The following MAF variants were observed in gnomAD, a reference collection of about 807,000 sequenced individuals.
MAF encodes the protein MAF bZIP transcription factor.
In MAF, 10 loss-of-function variants were observed where a neutral mutation model predicts 22.0. The ratio of observed to expected loss-of-function variants is 0.45; its 90% CI spans 0.28 to 0.77. MAF has a LOEUF of 0.77. Ranked by LOEUF, MAF falls within the 30% of genes least tolerant of loss-of-function variation. MAF has a pLI of 0.12. For synonymous variants in MAF, 337 were observed against 255.8 expected, an observed-to-expected ratio of 1.32 and a Z score of -3.03; for missense variants, 544 against 548.4, an observed-to-expected ratio of 0.99 and a Z score of 0.08.
At chr16:79,212,482 G>C in the MAF span, 3 of 220,206 alleles carry the variant, frequency 1.4e-5, no homozygotes, top group East Asian at 9.7e-5. Flanking sequence ...TAGATACCTT[G>C]AAAGGCAGGA....
At chr16:79,245,159 G>A in the MAF span, among the ~76,000 whole-genome samples, 13 of 151,818 alleles carry the variant, frequency 8.6e-5, no homozygotes, top group Admixed American at 3.9e-4. Context: ...AGGCACGGGC[G>A]AAGACTTCAT....
rs1199556915 is a variant in MAF at position 79,599,006 on chromosome 16, G to A, written c.897C>T (p.Arg299=). ...TGAAGCGGCAGGACTGGGCATAGCC[G>A]CGGTTTTTCAGGGTCCGCCTCTTCT... ...LKQKRRTLKN[R]GYAQSCRFKR... Residue 299 remains arginine, a synonymous_variant, in exon 1 of 2, where the codon CGC becomes CGT. Transcript: ENST00000326043. The A allele has an allele frequency of 3.1e-6, 5 of 1,613,588 alleles. No individual in the cohort carries two copies. The highest frequency in any genetic ancestry group is 4.2e-6 in the Non-Finnish European group (5 of 1,179,928).
chr16:79,596,189 C>T (rs1345214196), intron 1 of MAF: 1 of 1,062,036 alleles, frequency 9.4e-7, no homozygotes, highest in Non-Finnish European at 1.1e-6. Flanking sequence ...AGCCTAGTTC[C>T]ACTGTTTTGT....
At chr16:79,391,872 A>AAGGAGGAGGAGGAGGAGGAGGAGG in the MAF span, among the ~76,000 whole-genome samples, 1 of 136,880 alleles carries the variant, frequency 7.3e-6, no homozygotes, top group African/African-American at 2.8e-5. Context: ...GGAGGAGGAG[A>AAGGAGGAGGAGGAGGAGGAGGAGG]AGGAGGAGGA....
the MAF span, among the ~76,000 whole-genome samples, chr16:79,299,410 C>T: frequency 6.6e-6 from 1 of 151,360 alleles, no homozygotes; most frequent in Non-Finnish European, 1.5e-5. Flanking sequence ...AAACTCCAGG[C>T]CCAAAGTAGG....
downstream of MAF, among the ~76,000 whole-genome samples, chr16:79,589,327 A>G (rs1913048273): frequency 6.6e-6 from 1 of 152,130 alleles, no homozygotes; most frequent in African/African-American, 2.4e-5. Context: ...AATCCTCATA[A>G]AGTTTGCTTG....
the MAF span, among the ~76,000 whole-genome samples, chr16:79,406,930 C>T: frequency 1.3e-5 from 2 of 152,168 alleles, no homozygotes; most frequent in Non-Finnish European, 2.9e-5. Context: ...ACTCTCCTAA[C>T]TCCTTGTCTG....
the MAF span, among the ~76,000 whole-genome samples, chr16:79,306,329 C>T: frequency 6.6e-6 from 1 of 152,300 alleles, no homozygotes; most frequent in Admixed American, 6.5e-5. Context: ...CAGTACCACC[C>T]TCACAGGCTG....
At chr16:79,290,964 A>G in the MAF span, among the ~76,000 whole-genome samples, 1 of 152,212 alleles carries the variant, frequency 6.6e-6, no homozygotes, top group East Asian at 1.9e-4. Flanking sequence ...CCGAGATGTG[A>G]TGCTTATTCA....
chr16:79,484,028 G>A, the MAF span, among the ~76,000 whole-genome samples: 1 of 152,268 alleles, frequency 6.6e-6, no homozygotes, highest in South Asian at 2.1e-4. Context: ...GATCAGGCTA[G>A]TGATAGCAAC....
the MAF span, among the ~76,000 whole-genome samples, chr16:79,228,681 C>T: frequency 1.2e-4 from 19 of 152,002 alleles, no homozygotes; most frequent in African/African-American, 4.6e-4. Flanking sequence ...AAAGAGCTCT[C>T]TGCCTATATT....
At chr16:79,405,570 C>G in the MAF span, among the ~76,000 whole-genome samples, 2 of 152,156 alleles carry the variant, frequency 1.3e-5, no homozygotes, top group Non-Finnish European at 2.9e-5. Context: ...TGACCCACAC[C>G]GTTTATCCCT....
At chr16:79,475,161 A>G in the MAF span, among the ~76,000 whole-genome samples, 2 of 152,132 alleles carry the variant, frequency 1.3e-5, no homozygotes, top group Non-Finnish European at 1.5e-5. Context: ...CATAATAAAC[A>G]CAAACTCGAG....
chr16:79,319,696 A>G, the MAF span, among the ~76,000 whole-genome samples: 1 of 146,360 alleles, frequency 6.8e-6, no homozygotes, highest in East Asian at 2.1e-4. Context: ...TTCTCCTATA[A>G]ACATTTATTG....
At chr16:79,586,137 G>A (rs1290919183) in intron 1 of MAF, among the ~76,000 whole-genome samples, 1 of 152,182 alleles carries the variant, frequency 6.6e-6, no homozygotes, top group Non-Finnish European at 1.5e-5. Context: ...TGACGTGGAA[G>A]GGAATGGCCT....
At chr16:79,318,324 C>T in the MAF span, among the ~76,000 whole-genome samples, 3 of 152,130 alleles carry the variant, frequency 2.0e-5, no homozygotes, top group African/African-American at 4.8e-5. Flanking sequence ...ACTTGGATTG[C>T]CCAGTCATAG....
the MAF span, among the ~76,000 whole-genome samples, chr16:79,300,617 G>A: frequency 6.6e-6 from 1 of 150,524 alleles, no homozygotes; most frequent in Non-Finnish European, 1.5e-5. Context: ...ATTATACTAG[G>A]GTTTTTGCAA....
the MAF span, among the ~76,000 whole-genome samples, chr16:79,461,388 A>G: frequency 6.6e-6 from 1 of 152,128 alleles, no homozygotes; most frequent in African/African-American, 2.4e-5. Context: ...CCAAGGGACA[A>G]CTTGGGAACC....
chr16:79,355,814 G>C, the MAF span, among the ~76,000 whole-genome samples: 22 of 151,990 alleles, frequency 1.4e-4, no homozygotes, highest in African/African-American at 5.3e-4. Flanking sequence ...GTGTGGGGAG[G>C]GGAACGTGGT....
Sources: gnomAD v4.1 joint callset for allele counts (sites outside exome capture counted in the v4.1 genomes callset) on GRCh38, gnomAD v4.1.1 for gene constraint, MANE v1.5 for transcripts, NCBI Gene and HGNC (gene_info 2026-07-23, HGNC 2026-07-21) for gene names.